ZNF69: variants seen among roughly 807,000 people sequenced by gnomAD.
The protein encoded by ZNF69 is ZNF3.
In ZNF69, 47 loss-of-function variants were observed where a neutral mutation model predicts 50.9. The observed-to-expected ratio is 0.92, with a 90% CI of 0.73 to 1.18. The LOEUF is 1.18. Ranked by LOEUF, ZNF69 falls within the 50% of genes most tolerant of loss-of-function variation. The probability of loss-of-function intolerance (pLI) is 0.00; values close to 1 mark genes in which losing one functional copy is unlikely to be tolerated. For missense variants in ZNF69, 717 were observed against 675.1 expected (o/e 1.06, Z -0.69); for synonymous variants, 216 against 223.1 (o/e 0.97, Z 0.29).
At chr19:11,937,020 G>C in the ZNF69 span, among the ~76,000 whole-genome samples, 28 of 152,256 alleles carry the variant, frequency 1.8e-4, no homozygotes, top group East Asian at 3.9e-3. Context: ...TTATTTCTGA[G>C]GCCTCTGTTA....
chr19:11,945,868 T>C, the ZNF69 span, among the ~76,000 whole-genome samples: 1 of 152,162 alleles, frequency 6.6e-6, no homozygotes, highest in Non-Finnish European at 1.5e-5. Flanking sequence ...GTACAAGAAC[T>C]GGTGGATTAC....
intron 1 of ZNF69, among the ~76,000 whole-genome samples, chr19:11,900,581 G>A (rs2145228553): frequency 6.6e-6 from 1 of 152,048 alleles, no homozygotes; most frequent in Admixed American, 6.5e-5. Context: ...TCAAACTCCT[G>A]ACTTCGGTGA....
the ZNF69 span, among the ~76,000 whole-genome samples, chr19:11,921,995 A>G: frequency 1.3e-5 from 2 of 152,212 alleles, no homozygotes; most frequent in East Asian, 1.9e-4. Flanking sequence ...AAAAGAAAAA[A>G]GAAAAGCACA....
chr19:11,940,853 A>G, the ZNF69 span, among the ~76,000 whole-genome samples: 4 of 152,126 alleles, frequency 2.6e-5, no homozygotes, highest in African/African-American at 9.7e-5. Context: ...AGCTAGATAC[A>G]GAGTGTTGAC....
At chr19:11,911,496 A>G (rs529765562), downstream of ZNF69, among the ~76,000 whole-genome samples, 3 of 152,356 alleles carry the variant, frequency 2.0e-5, no homozygotes, top group South Asian at 6.2e-4. Context: ...TGCAGCCATA[A>G]AAAATGATGA....
the ZNF69 span, among the ~76,000 whole-genome samples, chr19:11,937,593 A>G: frequency 6.8e-6 from 1 of 147,812 alleles, no homozygotes; most frequent in Admixed American, 6.9e-5. Context: ...GGTTCAAGCC[A>G]TTCTCCTGCC....
At chr19:11,970,034 G>A in the ZNF69 span, among the ~76,000 whole-genome samples, 3,942 of 152,230 alleles carry the variant, frequency 0.026, 147 homozygotes, top group African/African-American at 0.087. Context: ...GGGACCTCCC[G>A]AGGGAGCAGC....
At position 11,905,357 on chromosome 19, in the gene ZNF69, T is replaced by C. The variant is rs199974441; in HGVS notation, c.960T>C (p.Arg320=). The change falls in exon 4 of 4, where the codon CGT becomes CGC. Residue 320 remains arginine (R), a synonymous_variant. Transcript: ENST00000429654. ...GKAFTCPQYV[R]IHERTHSRKK... is the part of the protein sequence containing the mutation. ...CATTCACGTGTCCCCAGTATGTTCG[T>C]ATACATGAAAGGACCCACTCTAGGA... 408 of 1,613,998 alleles carry C rather than the reference T, an allele frequency of 2.5e-4. No homozygotes were observed. The highest frequency in any genetic ancestry group is 3.1e-4 in the Non-Finnish European group (365 of 1,180,030).
downstream of ZNF69, among the ~76,000 whole-genome samples, chr19:11,915,691 G>T (rs1972516067): frequency 6.6e-6 from 1 of 151,910 alleles, no homozygotes; most frequent in African/African-American, 2.4e-5. Context: ...ATCATCTGAG[G>T]TTGGGAGTTT....
At chr19:11,925,014 G>T in the ZNF69 span, 1 of 538,764 alleles carries the variant, frequency 1.9e-6, no homozygotes, top group East Asian at 3.8e-5. Flanking sequence ...CTGTCACTCA[G>T]ATGTGGGGGG....
Position 11,888,219 on chromosome 19 carries a change from C to T in ZNF69, c.63+233C>T, listed in dbSNP as rs528669988. ...GCGGCGACTGCGGTTCCAGAGCCCT[C>T]TATGGGCAGCTCCGCGCCCGCAGCC... On this transcript the variant is annotated intron_variant, in intron 1 of 3. Transcript: ENST00000429654. Among the ~76,000 whole-genome samples the T allele has an allele frequency of 2.5e-4, 38 of 152,330 alleles. 1 individual carries two copies. The highest frequency in any genetic ancestry group is 7.2e-4 in the Admixed American group (11 of 15,310).
chr19:11,898,708 C>G (rs1344666792), intron 1 of ZNF69, among the ~76,000 whole-genome samples: 3 of 152,070 alleles, frequency 2.0e-5, no homozygotes, highest in Non-Finnish European at 4.4e-5. Flanking sequence ...CTGTTTTAAA[C>G]ATCTTGACTG....
At chr19:11,965,114 T>C in the ZNF69 span, 2 of 1,542,492 alleles carry the variant, frequency 1.3e-6, no homozygotes, top group African/African-American at 2.7e-5. Flanking sequence ...ACCTGGTACC[T>C]CTACCCAGGT....
the ZNF69 span, among the ~76,000 whole-genome samples, chr19:11,960,366 T>G: frequency 6.6e-6 from 1 of 152,248 alleles, no homozygotes; most frequent in African/African-American, 2.4e-5. Flanking sequence ...GTAGCCCAGC[T>G]GGAGTGCAGT....
At chr19:11,899,791 T>C (rs754215365) in intron 1 of ZNF69, among the ~76,000 whole-genome samples, 56 of 152,196 alleles carry the variant, frequency 3.7e-4, no homozygotes, top group Non-Finnish European at 6.5e-4. Flanking sequence ...AAGACCATGC[T>C]TATTTTCTTC....
intron 2 of ZNF69, 45 bp from the exon 3 acceptor site, chr19:11,903,860 A>G: frequency 6.2e-7 from 1 of 1,605,154 alleles, no homozygotes; most frequent in Non-Finnish European, 8.5e-7. Flanking sequence ...ATTTTTTCAC[A>G]ATTTTATACT....
intron 1 of ZNF69, among the ~76,000 whole-genome samples, chr19:11,903,028 T>A (rs1171110548): frequency 1.3e-5 from 2 of 152,112 alleles, no homozygotes; most frequent in Non-Finnish European, 2.9e-5. Context: ...TCTCAACTAC[T>A]CAGGAGGCTG....
downstream of ZNF69, among the ~76,000 whole-genome samples, chr19:11,916,411 T>C (rs1450115260): frequency 6.6e-6 from 1 of 152,096 alleles, no homozygotes; most frequent in African/African-American, 2.4e-5. Context: ...GGTCAGGAGT[T>C]CAAGACCACC....
chr19:11,968,949 A>G, the ZNF69 span, among the ~76,000 whole-genome samples: 6 of 152,194 alleles, frequency 3.9e-5, no homozygotes, highest in African/African-American at 1.4e-4. Context: ...ACAAAACACT[A>G]TAGGTAAGAA....
Sources: allele counts gnomAD v4.1 joint callset (sites outside exome capture counted in the v4.1 genomes callset), GRCh38; gene constraint gnomAD v4.1.1; transcripts MANE v1.5; gene names NCBI Gene and HGNC (gene_info 2026-07-23, HGNC 2026-07-21).